ENTREP2: variants seen among roughly 807,000 people sequenced by gnomAD.
ENTREP2 encodes endosomal transmembrane epsin interactor 2, also known as protein ENTREP2.
chr15:29,348,666 A>G, the ENTREP2 span, among the ~76,000 whole-genome samples: 10 of 152,302 alleles, frequency 6.6e-5, no homozygotes, highest in South Asian at 1.2e-3. Flanking sequence ...TGGCTTCTGC[A>G]ATGTGACCCG....
the ENTREP2 span, among the ~76,000 whole-genome samples, chr15:29,613,097 G>A: frequency 6.6e-6 from 1 of 152,162 alleles, no homozygotes; most frequent in Non-Finnish European, 1.5e-5. Flanking sequence ...CAAGGACTTT[G>A]CAGACCACCC....
At chr15:29,268,932 G>A in the ENTREP2 span, 1 of 1,614,186 alleles carries the variant, frequency 6.2e-7, no homozygotes, top group South Asian at 1.1e-5. Context: ...TCATCTTGCT[G>A]GTTTCCAGGT....
At chr15:29,621,290 G>A in the ENTREP2 span, among the ~76,000 whole-genome samples, 1 of 151,866 alleles carries the variant, frequency 6.6e-6, no homozygotes, top group East Asian at 1.9e-4. Flanking sequence ...ATGGGAGGCC[G>A]AGACAGGTGG....
the ENTREP2 span, among the ~76,000 whole-genome samples, chr15:29,627,759 C>G: frequency 1.3e-5 from 2 of 152,074 alleles, no homozygotes; most frequent in African/African-American, 4.8e-5. Context: ...TTGAGTCTGG[C>G]TTATTTCACT....
the ENTREP2 span, among the ~76,000 whole-genome samples, chr15:29,176,692 C>T: frequency 6.6e-6 from 1 of 152,220 alleles, no homozygotes; most frequent in Non-Finnish European, 1.5e-5. Flanking sequence ...CACCGTGCAC[C>T]TGAAGGCTGA....
chr15:29,586,757 A>T, the ENTREP2 span, among the ~76,000 whole-genome samples: 1 of 146,084 alleles, frequency 6.8e-6, no homozygotes, highest in Non-Finnish European at 1.5e-5. Flanking sequence ...TCAAAAAAAT[A>T]AAAAAGAAGA....
chr15:29,663,399 A>G, the ENTREP2 span, among the ~76,000 whole-genome samples: 1 of 152,122 alleles, frequency 6.6e-6, no homozygotes. Context: ...TGCTGTTATA[A>G]AGACACATGC....
the ENTREP2 span, among the ~76,000 whole-genome samples, chr15:29,510,590 G>A: frequency 6.6e-6 from 1 of 151,726 alleles, no homozygotes; most frequent in African/African-American, 2.4e-5. Context: ...CGGATCACGA[G>A]GTCAGGAGAT....
the ENTREP2 span, among the ~76,000 whole-genome samples, chr15:29,585,855 CAAAAAA>C: frequency 0.022 from 2,433 of 110,830 alleles, 54 homozygotes; most frequent in African/African-American, 0.078. Flanking sequence ...GACTCTGTCT[CAAAAAA>C]AAAAAAAAAA....
At chr15:29,550,164 C>A in the ENTREP2 span, among the ~76,000 whole-genome samples, 1 of 152,158 alleles carries the variant, frequency 6.6e-6, no homozygotes, top group African/African-American at 2.4e-5. Flanking sequence ...ATAGTGACTT[C>A]CATCTAAAAG....
At chr15:29,564,369 T>C in the ENTREP2 span, among the ~76,000 whole-genome samples, 1 of 152,226 alleles carries the variant, frequency 6.6e-6, no homozygotes, top group East Asian at 1.9e-4. Flanking sequence ...TTGAGATCTT[T>C]TTCCTTGGGG....
chr15:29,137,692 T>C, the ENTREP2 span, among the ~76,000 whole-genome samples: 1 of 152,052 alleles, frequency 6.6e-6, no homozygotes, highest in South Asian at 2.1e-4. Flanking sequence ...AAAAATTAGC[T>C]GGGCGTAGTG....
the ENTREP2 span, among the ~76,000 whole-genome samples, chr15:29,387,877 C>T: frequency 6.6e-6 from 1 of 152,182 alleles, no homozygotes; most frequent in Non-Finnish European, 1.5e-5. Flanking sequence ...GGAAAGGATT[C>T]CCTATTTAAA....
At chr15:29,185,398 C>T in the ENTREP2 span, among the ~76,000 whole-genome samples, 1 of 152,192 alleles carries the variant, frequency 6.6e-6, no homozygotes. Flanking sequence ...ACTTACCTGT[C>T]ATGAAAACTT....
the ENTREP2 span, among the ~76,000 whole-genome samples, chr15:29,175,409 A>G: frequency 6.6e-6 from 1 of 152,202 alleles, no homozygotes; most frequent in Admixed American, 6.5e-5. Context: ...GATCGGATTG[A>G]AAACACAGGC....
chr15:29,142,472 A>G, the ENTREP2 span, among the ~76,000 whole-genome samples: 1 of 152,256 alleles, frequency 6.6e-6, no homozygotes, highest in African/African-American at 2.4e-5. Context: ...CCTCAAGGTT[A>G]CTGTGGGTCC....
At chr15:29,459,687 G>C in the ENTREP2 span, among the ~76,000 whole-genome samples, 1 of 152,148 alleles carries the variant, frequency 6.6e-6, no homozygotes, top group Non-Finnish European at 1.5e-5. Flanking sequence ...ATAGTGCCTT[G>C]GCCTTCTCCT....
the ENTREP2 span, among the ~76,000 whole-genome samples, chr15:29,199,152 T>A: frequency 6.6e-6 from 1 of 152,216 alleles, no homozygotes; most frequent in African/African-American, 2.4e-5. Flanking sequence ...TTTTCAGCTT[T>A]AGCAGAGAAT....
At chr15:29,223,564 A>C in the ENTREP2 span, among the ~76,000 whole-genome samples, 1 of 152,202 alleles carries the variant, frequency 6.6e-6, no homozygotes, top group African/African-American at 2.4e-5. Flanking sequence ...TTTAGCCACT[A>C]ATACCCCCTA....
Sources: allele counts gnomAD v4.1 joint callset (sites outside exome capture counted in the v4.1 genomes callset), GRCh38; gene constraint gnomAD v4.1.1; transcripts MANE v1.5; gene names NCBI Gene and HGNC (gene_info 2026-07-23, HGNC 2026-07-21).